The following FCHO1 variants were observed in gnomAD, a reference collection of about 807,000 sequenced individuals.
FCHO1 encodes FCH and mu domain containing endocytic adaptor 1.
FCHO1 carries 45 observed loss-of-function variants against 114.4 expected under a neutral mutation model. That is an observed-to-expected ratio of 0.39 (90% CI 0.31 to 0.50). The LOEUF is 0.50. Among genes scored for constraint, FCHO1 ranks in the 20% least tolerant of loss-of-function variants. FCHO1 has a pLI of 0.77. For synonymous variants in FCHO1, 480 were observed against 488.9 expected (o/e 0.98, Z 0.24); for missense variants, 1,042 against 1,209.6 (o/e 0.86, Z 2.06).
intron 11 of FCHO1, 79 bp from the exon 12 acceptor site, chr19:17,774,160 T>C (rs2092260780): frequency 7.2e-7 from 1 of 1,386,968 alleles, no homozygotes; most frequent in African/African-American, 1.4e-5. Context: ...CCGCCCGCCT[T>C]AGCCTCCCAA....
chr19:17,769,825 A>G (rs2090936357), intron 7 of FCHO1, among the ~76,000 whole-genome samples: 2 of 149,388 alleles, frequency 1.3e-5, no homozygotes, highest in African/African-American at 2.5e-5. Context: ...AATATGAACC[A>G]TGTGTAAATA....
rs77280076 is a variant in FCHO1 at position 17,783,185 on chromosome 19, G to A, written c.2093+13G>A. ...ATCTGCTGTTCAGGTACTATGGAGG[G>A]GCAGTGGGAGAGGGCCTCGGAGGCT... is the stretch of plus-strand genomic sequence containing the variant. On this transcript the variant is annotated intron_variant, in intron 24 of 28. Coordinates refer to ENST00000596536, the MANE Select transcript of FCHO1 (RefSeq NM_015122.3). 1.2e-3 allele frequency: 1,993 copies of A among 1,610,384 alleles called. 20 individuals carry two copies. In the African/African-American group the frequency reaches 0.021, roughly 17 times the overall value.
chr19:17,769,580 A>AACAC (rs71162199), intron 7 of FCHO1, among the ~76,000 whole-genome samples: 4 of 144,080 alleles, frequency 2.8e-5, no homozygotes, highest in East Asian at 2.2e-4. Context: ...CTTCGTCTCA[A>AACAC]ACACACACAC....
intron 1 of FCHO1, among the ~76,000 whole-genome samples, chr19:17,752,729 G>A (rs926271856): frequency 1.0e-4 from 13 of 125,988 alleles, no homozygotes; most frequent in Non-Finnish European, 1.5e-4. Context: ...GTGAGACCTA[G>A]TCTCTACAAA....
chr19:17,762,536 A>G (rs551472214), intron 4 of FCHO1, among the ~76,000 whole-genome samples: 2 of 152,222 alleles, frequency 1.3e-5, no homozygotes, highest in South Asian at 2.1e-4. Context: ...CTCCCCAGCA[A>G]CTATAGGACA....
chr19:17,776,763 T>G lies in FCHO1; in HGVS notation c.1259+77T>G. ...ACCTCCCCATGTCTCCGCCTGGTGT[T>G]CTCTTGTCCCGGCTGGGAGTTGACG... On this transcript the variant is annotated intron_variant, in intron 18 of 28. Coordinates refer to ENST00000596536, the MANE Select transcript of FCHO1 (RefSeq NM_015122.3). This position sits in a 1 kb window ranked among gnomAD's most constrained non-coding sequence, Gnocchi z 4.4. The G allele has an allele frequency of 7.3e-7, 1 of 1,367,896 alleles. No individual in the cohort carries two copies. The highest frequency in any genetic ancestry group is 1.0e-6 in the Non-Finnish European group (1 of 972,950). The allele number at this position is 1,367,896 out of a possible 1,614,324, so 84.7% of individuals were successfully genotyped here.
chr19:17,764,244 T>C (rs2087752143), intron 5 of FCHO1, 131 bp from the exon 6 acceptor site: 2 of 822,422 alleles, frequency 2.4e-6, no homozygotes, highest in Non-Finnish European at 4.0e-6. Flanking sequence ...TTTCACCAAG[T>C]TGGCCAGGCT....
At chr19:17,771,716 A>G (rs1438063406) in intron 9 of FCHO1, among the ~76,000 whole-genome samples, 1 of 152,158 alleles carries the variant, frequency 6.6e-6, no homozygotes, top group Non-Finnish European at 1.5e-5. Flanking sequence ...AAAACTGACA[A>G]GCTCAGGGAA....
intron 9 of FCHO1, among the ~76,000 whole-genome samples, chr19:17,771,397 G>T (rs865850792): frequency 2.0e-5 from 3 of 150,786 alleles, no homozygotes; most frequent in African/African-American, 7.3e-5. Context: ...GGCTGGGCGC[G>T]GTGGCTCATG....
intron 4 of FCHO1, among the ~76,000 whole-genome samples, chr19:17,761,468 A>G (rs992050122): frequency 4.6e-5 from 7 of 150,892 alleles, no homozygotes; most frequent in Admixed American, 4.0e-4. Context: ...ATATTTTATT[A>G]ATGGTGTATA....
chr19:17,771,655 C>T (rs1378917022), intron 9 of FCHO1, among the ~76,000 whole-genome samples: 11 of 150,256 alleles, frequency 7.3e-5, no homozygotes, highest in East Asian at 2.0e-4. Flanking sequence ...GGCGACAGAG[C>T]GAGACTCTGT....
At chr19:17,770,273 C>T in intron 7 of FCHO1, 152 bp from the exon 8 acceptor site, 1 of 697,300 alleles carries the variant, frequency 1.4e-6, no homozygotes, top group South Asian at 2.4e-5. Flanking sequence ...TGCACTCCAG[C>T]CTGGACAACA....
chr19:17,778,961 T>C (rs1042026558), intron 20 of FCHO1, 77 bp downstream of exon 20: 4 of 1,397,888 alleles, frequency 2.9e-6, no homozygotes, highest in Non-Finnish European at 2.8e-6. Flanking sequence ...GGGCAGGGCC[T>C]GATCAGGCTG....
chr19:17,771,372 AAAAG>A (rs1568346228), intron 9 of FCHO1, among the ~76,000 whole-genome samples: 3 of 100,022 alleles, frequency 3.0e-5, no homozygotes, highest in Admixed American at 9.4e-5. Flanking sequence ...AAAAAAAAAG[AAAAG>A]AAAAGAAAAA....
chr19:17,777,997 C>G, intron 18 of FCHO1, 140 bp from the exon 19 acceptor site: 1 of 608,426 alleles, frequency 1.6e-6, no homozygotes, highest in South Asian at 1.9e-5. Flanking sequence ...TGAGATCGTG[C>G]CACTGCACTG....
intron 20 of FCHO1, among the ~76,000 whole-genome samples, chr19:17,780,733 T>G (rs1599756538): frequency 8.3e-5 from 12 of 144,458 alleles, no homozygotes; most frequent in South Asian, 4.4e-4. Context: ...AGAGGGGAGG[T>G]AGGTGGGAGG....
Position 17,770,614 on chromosome 19 carries a change from G to T in FCHO1, c.489+37G>T, listed in dbSNP as rs368137662. On this transcript the variant is annotated intron_variant, in intron 8 of 28. Coordinates refer to ENST00000596536, the MANE Select transcript of FCHO1 (RefSeq NM_015122.3). ...GTGGGGGGGTTCTGAGGAATTTGCC[G>T]CGGGGCGGAGGGGCTGCCTGATCAG... 18 of 1,596,378 alleles carry T rather than the reference G, an allele frequency of 1.1e-5. No homozygotes were observed. In the South Asian group the frequency reaches 2.0e-4, roughly 18 times the overall value.
At position 17,770,332 on chromosome 19, in the gene FCHO1, C is replaced by T. The variant is rs140263216; in HGVS notation, c.337-93C>T. 6,666 of 1,317,656 alleles carry T rather than the reference C, an allele frequency of 5.1e-3. 104 individuals carry two copies. In the Admixed American group the frequency reaches 0.062, roughly 12 times the overall value. 81.6% of individuals were successfully genotyped at this position (1,317,656 alleles called of 1,614,324 possible). On this transcript the variant is annotated intron_variant, in intron 7 of 28. Transcript: ENST00000596536. ...AACCAAACCAAAACACACACACACA[C>T]ATAGAAAAAGACTGTGGAGCTGACA...
Position 17,781,308 on chromosome 19 carries a change from G to A in FCHO1, c.1705G>A (p.Val569Met), listed in dbSNP as rs371558338. The change falls in exon 21 of 29, where the codon GTG (valine) becomes ATG (methionine). Residue 569 changes from valine to methionine, a missense_variant. Physicochemically the swap from Val to Met is conservative, Grantham distance 21. Coordinates refer to ENST00000596536, the MANE Select transcript of FCHO1 (RefSeq NM_015122.3). ...APPRRLRSRK[V>M]SCPLTRSNGD... is the part of the protein sequence containing the mutation. ...ACCCAGGAGACTTCGCTCTAGGAAG[G>A]TGTCCTGCCCTCTCACACGTAGCAA... 2.1e-5 allele frequency: 34 copies of A among 1,613,934 alleles called. No individual in the cohort carries two copies. Among genetic ancestry groups the A allele is most frequent in the Admixed American group, 5.0e-5 (3 of 59,988 alleles).
Sources: gnomAD v4.1 joint callset for allele counts (sites outside exome capture counted in the v4.1 genomes callset) on GRCh38, gnomAD v4.1.1 for gene constraint, Gnocchi (gnomAD v3.1) non-coding constraint, MANE v1.5 for transcripts, NCBI Gene and HGNC (gene_info 2026-07-23, HGNC 2026-07-21) for gene names.